The following ZNF653 variants were observed in gnomAD, a reference collection of about 807,000 sequenced individuals.
ZNF653 encodes zinc finger protein 653.
Under a neutral mutation model 59.9 loss-of-function variants are expected in ZNF653, and 37 were observed. The ratio of observed to expected loss-of-function variants is 0.62; its 90% CI spans 0.48 to 0.81. ZNF653 has a LOEUF of 0.81. Ranked by LOEUF, ZNF653 falls within the 40% of genes least tolerant of loss-of-function variation. ZNF653 has a pLI of 0.00. For missense variants in ZNF653, 808 were observed against 881.1 expected (o/e 0.92, Z 1.05); for synonymous variants, 435 against 371.8 (o/e 1.17, Z -1.96).
chr19:11,505,226 T>A (rs1639012158), intron 1 of ZNF653: 1 of 418,048 alleles, frequency 2.4e-6, no homozygotes. Flanking sequence ...CCGCCAGAGT[T>A]CTAGCGGGCG....
Position 11,505,320 on chromosome 19 carries a change from G to T in ZNF653, c.299+168C>A, listed in dbSNP as rs769264156. 3 of 655,082 alleles carry T rather than the reference G, an allele frequency of 4.6e-6. No individual in the cohort carries two copies. The African/African-American group carries it at 5.8e-5, about 13-fold the overall frequency. The allele number at this position is 655,082 out of a possible 1,614,324, so 40.6% of individuals were successfully genotyped here. ...GGAACGATGGGAGGCGGGGCCACGA[G>T]CCAGGCGCGTCCCGGCCAGGCAGTA... On this transcript the variant is annotated intron_variant, in intron 1 of 8. Transcript: ENST00000293771.
rs1008802822 is a variant in ZNF653 at position 11,483,559 on chromosome 19, G to A, written c.*123C>T. On this transcript the variant is annotated 3_prime_UTR_variant, in exon 9 of 9. Transcript: ENST00000293771. ...TGCCCAGGGGGCCCAGCTCTGGGGC[G>A]GGGCGGGGGCGCCTCCTTCCGGCCC... 20 of 1,426,924 alleles carry A rather than the reference G, an allele frequency of 1.4e-5. No homozygotes were observed. Among genetic ancestry groups the A allele is most frequent in the Non-Finnish European group, 1.7e-5 (18 of 1,088,486 alleles). The allele number at this position is 1,426,924 out of a possible 1,614,324, so 88.4% of individuals were successfully genotyped here.
Position 11,483,649 on chromosome 19 carries a change from C to A in ZNF653, c.*33G>T. ...AGCCCGGGCGTGGTGTCCGAGCGGA[C>A]GAATAAATAGGGGCGGTCAGTGGTC... On this transcript the variant is annotated 3_prime_UTR_variant, in exon 9 of 9. Coordinates refer to ENST00000293771, the MANE Select transcript of ZNF653 (RefSeq NM_138783.4). 1 of 1,597,954 alleles carries A rather than the reference C, an allele frequency of 6.3e-7. No homozygotes were observed. Among genetic ancestry groups the A allele is most frequent in the South Asian group, 1.1e-5 (1 of 90,574 alleles).
intron 3 of ZNF653, among the ~76,000 whole-genome samples, chr19:11,490,395 T>C (rs1395408968): frequency 6.6e-6 from 1 of 151,908 alleles, no homozygotes; most frequent in Non-Finnish European, 1.5e-5. Flanking sequence ...TTGTTGTTGT[T>C]TGTTTTTTTG....
chr19:11,500,165 C>G (rs1019093428), intron 1 of ZNF653, among the ~76,000 whole-genome samples: 4 of 152,172 alleles, frequency 2.6e-5, no homozygotes, highest in African/African-American at 9.7e-5. Context: ...TGTAACAATT[C>G]TCAGTCCCAC....
intron 3 of ZNF653, among the ~76,000 whole-genome samples, chr19:11,488,718 C>T (rs1971498524): frequency 6.6e-6 from 1 of 151,788 alleles, no homozygotes; most frequent in African/African-American, 2.4e-5. Flanking sequence ...CTGCCTCAGC[C>T]TCCCGAGTAG....
Position 11,505,762 on chromosome 19 carries a change from C to T in ZNF653, c.25G>A (p.Glu9Lys), listed in dbSNP as rs1182218001. The change falls in exon 1 of 9, where the codon GAG (glutamate) becomes AAG (lysine). Residue 9 changes from glutamate (E) to lysine (K), a missense_variant. Physicochemically the swap from Glu to Lys is moderately conservative, Grantham distance 56 (BLOSUM62 1). Coordinates refer to ENST00000293771, the MANE Select transcript of ZNF653 (RefSeq NM_138783.4). The part of the protein sequence containing the change: MAERALEP[E>K]AEAEAEAGAG... ...CCCGCCTCAGCCTCCGCCTCCGCCTCGGGCTCTAGCGCCCGCTCCGCCATC... is the reference window on the plus strand; with the variant it reads ...CCCGCCTCAGCCTCCGCCTCCGCCTTGGGCTCTAGCGCCCGCTCCGCCATC... 1 of 1,425,448 alleles carries T rather than the reference C, an allele frequency of 7.0e-7. No individual in the cohort carries two copies. Among genetic ancestry groups the T allele is most frequent in the East Asian group, 3.0e-5 (1 of 33,830 alleles). 88.3% of individuals were successfully genotyped at this position (1,425,448 alleles called of 1,614,324 possible).
intron 3 of ZNF653, among the ~76,000 whole-genome samples, chr19:11,489,017 A>G (rs1285913517): frequency 6.6e-6 from 1 of 151,342 alleles, no homozygotes; most frequent in East Asian, 1.9e-4. Context: ...CTCCTGCCTC[A>G]GCCTCCTGAG....
chr19:11,505,792 C>A lies in ZNF653; in HGVS notation c.-6G>T, dbSNP rs1306614369. The A allele has an allele frequency of 7.9e-6, 11 of 1,396,062 alleles. No individual in the cohort carries two copies. Among genetic ancestry groups the A allele is most frequent in the Non-Finnish European group, 8.3e-6 (9 of 1,085,384 alleles). The allele number at this position is 1,396,062 out of a possible 1,614,324, so 86.5% of individuals were successfully genotyped here. ...TCTAGCGCCCGCTCCGCCATCCCCC[C>A]CACCCTGGTTACCAGCCTCCCCCGT... On this transcript the variant is annotated 5_prime_UTR_variant, in exon 1 of 9. Coordinates refer to ENST00000293771, the MANE Select transcript of ZNF653 (RefSeq NM_138783.4).
chr19:11,505,759 C>G lies in ZNF653; in HGVS notation c.28G>C (p.Ala10Pro). ...GCGCCCGCCTCAGCCTCCGCCTCCG[C>G]CTCGGGCTCTAGCGCCCGCTCCGCC... Reference protein sequence around the residue: MAERALEPEAEAEAEAGAGG... With the variant: MAERALEPEPEAEAEAGAGG... Residue 10 changes from alanine (A) to proline (P), a missense_variant, in exon 1 of 9, where the codon GCG (alanine) becomes CCG (proline). Transcript: ENST00000293771. 7.0e-7 allele frequency: 1 copy of G among 1,432,218 alleles called. No individual in the cohort carries two copies. The allele number at this position is 1,432,218 out of a possible 1,614,324, so 88.7% of individuals were successfully genotyped here. A position where few individuals can be genotyped will look rare whatever the true frequency, so the allele number is the denominator to read the frequency against.
At chr19:11,498,104 G>A (rs529362225) in intron 2 of ZNF653, among the ~76,000 whole-genome samples, 192 bp downstream of exon 2, 4 of 152,322 alleles carry the variant, frequency 2.6e-5, no homozygotes, top group African/African-American at 7.2e-5. Flanking sequence ...CTCCCATGCC[G>A]GGAGCAAGAG....
At chr19:11,496,576 G>A (rs1389537552) in intron 2 of ZNF653, among the ~76,000 whole-genome samples, 5 of 151,282 alleles carry the variant, frequency 3.3e-5, no homozygotes, top group Non-Finnish European at 7.4e-5. Flanking sequence ...CCTCTGCTCA[G>A]AATCCACTGG....
Position 11,505,735 on chromosome 19 carries a change from C to T in ZNF653, c.52G>A (p.Ala18Thr), listed in dbSNP as rs1971714371. ...PEAEAEAEAG[A>T]GGEAAAEEGA... ...TCCTCGGCTGCTGCCTCCCCGCCCG[C>T]GCCCGCCTCAGCCTCCGCCTCCGCC... is the stretch of plus-strand genomic sequence containing the variant. Residue 18 changes from alanine to threonine, a missense_variant, in exon 1 of 9, where the codon GCG (alanine) becomes ACG (threonine). Coordinates refer to ENST00000293771, the MANE Select transcript of ZNF653 (RefSeq NM_138783.4). 3.4e-6 allele frequency: 5 copies of T among 1,450,322 alleles called. No individual in the cohort carries two copies. The African/African-American group carries it at 6.0e-5, about 17-fold the overall frequency. 89.8% of individuals were successfully genotyped at this position (1,450,322 alleles called of 1,614,324 possible). A position where few individuals can be genotyped will look rare whatever the true frequency, so the allele number is the denominator to read the frequency against.
intron 3 of ZNF653, among the ~76,000 whole-genome samples, chr19:11,488,315 A>G (rs1396649495): frequency 6.6e-6 from 1 of 151,174 alleles, no homozygotes; most frequent in Non-Finnish European, 1.5e-5. Flanking sequence ...ATGCCCGGCT[A>G]ATGTTTTGTA....
intron 3 of ZNF653, among the ~76,000 whole-genome samples, chr19:11,494,133 C>T (rs527658651): frequency 2.0e-5 from 3 of 152,204 alleles, no homozygotes; most frequent in Non-Finnish European, 2.9e-5. Flanking sequence ...ACCAGCCTGG[C>T]CAAAGTGGTG....
At chr19:11,489,468 G>C (rs2144937982) in intron 3 of ZNF653, among the ~76,000 whole-genome samples, 1 of 152,260 alleles carries the variant, frequency 6.6e-6, no homozygotes, top group South Asian at 2.1e-4. Flanking sequence ...CAAAGTGCTG[G>C]AATTACAGAC....
At chr19:11,485,095 C>T (rs1971451991) in intron 7 of ZNF653, among the ~76,000 whole-genome samples, 1 of 151,872 alleles carries the variant, frequency 6.6e-6, no homozygotes. Flanking sequence ...AAAAAACCCC[C>T]AAACTTCTGA....
At chr19:11,498,022 C>G (rs1971606135) in intron 2 of ZNF653, among the ~76,000 whole-genome samples, 1 of 152,252 alleles carries the variant, frequency 6.6e-6, no homozygotes, top group Non-Finnish European at 1.5e-5. Flanking sequence ...CCTCTAACCA[C>G]CAGTGCTTGG....
At chr19:11,502,085 G>A (rs1238202186) in intron 1 of ZNF653, among the ~76,000 whole-genome samples, 3 of 151,168 alleles carry the variant, frequency 2.0e-5, no homozygotes, top group Non-Finnish European at 2.9e-5. Context: ...GAGCCATCGC[G>A]CCTGGCCTAT....
Sources: allele counts gnomAD v4.1 joint callset (sites outside exome capture counted in the v4.1 genomes callset), GRCh38; gene constraint gnomAD v4.1.1; transcripts MANE v1.5; gene names NCBI Gene and HGNC (gene_info 2026-07-23, HGNC 2026-07-21).